CHEK2: variants seen among roughly 807,000 people sequenced by gnomAD.
CHEK2 encodes serine/threonine-protein kinase Chk2.
Under a neutral mutation model 69.1 loss-of-function variants are expected in CHEK2, and 71 were observed. The ratio of observed to expected loss-of-function variants is 1.03; its 90% CI spans 0.85 to 1.25. The LOEUF is 1.25. Among genes scored for constraint, CHEK2 ranks in the 50% most tolerant of loss-of-function variants. CHEK2 has a pLI of 0.00. For missense variants in CHEK2, 664 were observed against 649.6 expected (o/e 1.02, Z -0.24); for synonymous variants, 189 against 226.9 (o/e 0.83, Z 1.50).
intron 13 of CHEK2, among the ~76,000 whole-genome samples, chr22:28,692,020 A>C (rs1209791802): frequency 3.9e-5 from 6 of 152,238 alleles, no homozygotes; most frequent in Admixed American, 3.9e-4. Context: ...CTGCAAAAAC[A>C]AAAGGTGGCT....
At chr22:28,689,824 G>A (rs948151524) in intron 13 of CHEK2, among the ~76,000 whole-genome samples, 2 of 152,172 alleles carry the variant, frequency 1.3e-5, no homozygotes, top group Non-Finnish European at 2.9e-5. Flanking sequence ...GCAGGAGCAG[G>A]AGATGAGGAG....
chr22:28,723,685 TG>T (rs1441683069), intron 4 of CHEK2, among the ~76,000 whole-genome samples: 1 of 150,642 alleles, frequency 6.6e-6, no homozygotes, highest in Non-Finnish European at 1.5e-5. Context: ...GGCTCCCACC[TG>T]TAATCCCAGC....
intron 2 of CHEK2, among the ~76,000 whole-genome samples, chr22:28,727,103 G>A (rs904298375): frequency 2.5e-4 from 38 of 151,928 alleles, no homozygotes; most frequent in Non-Finnish European, 2.1e-4. Context: ...GTGCGGTGGC[G>A]CGATCTCGGC....
At chr22:28,700,701 C>T (rs75006212) in intron 8 of CHEK2, among the ~76,000 whole-genome samples, 1,560 of 152,232 alleles carry the variant, frequency 0.01, 23 homozygotes, top group African/African-American at 0.036. Context: ...GGGGATGATA[C>T]CATCTACCTT....
At chr22:28,689,517 TG>T (rs1304695734) in intron 13 of CHEK2, 4 of 382,850 alleles carry the variant, frequency 1.0e-5, no homozygotes, top group East Asian at 1.2e-4. Flanking sequence ...TCCAAGATCC[TG>T]AGAAAGGTGG....
At chr22:28,729,898 AAGAGTCAGAG>A (rs1446727923) in intron 2 of CHEK2, among the ~76,000 whole-genome samples, 2 of 152,040 alleles carry the variant, frequency 1.3e-5, no homozygotes, top group Non-Finnish European at 2.9e-5. Context: ...TATAGGGTGA[AAGAGTCAGAG>A]CAACCAGCCA....
At chr22:28,734,236 C>T (rs1367696667) in intron 2 of CHEK2, among the ~76,000 whole-genome samples, 167 bp downstream of exon 2, 2 of 152,218 alleles carry the variant, frequency 1.3e-5, no homozygotes, top group African/African-American at 4.8e-5. Context: ...TTGCCTTCCA[C>T]TTCAATAAAT....
intron 5 of CHEK2, among the ~76,000 whole-genome samples, chr22:28,716,259 T>C (rs1460300732): frequency 6.6e-6 from 1 of 150,408 alleles, no homozygotes; most frequent in Non-Finnish European, 1.5e-5. Flanking sequence ...TGCAGTGGCG[T>C]GATCTCAGCT....
At chr22:28,696,312 G>A (rs1569114901) in intron 10 of CHEK2, among the ~76,000 whole-genome samples, 1 of 152,140 alleles carries the variant, frequency 6.6e-6, no homozygotes, top group Non-Finnish European at 1.5e-5. Context: ...ATCCTAACAA[G>A]AGATTCTAAA....
At chr22:28,699,719 A>G in intron 9 of CHEK2, 119 bp downstream of exon 9, 1 of 818,644 alleles carries the variant, frequency 1.2e-6, no homozygotes, top group Non-Finnish European at 2.1e-6. Flanking sequence ...AGAAGAGAAC[A>G]GCAAACACAC....
chr22:28,703,330 T>G (rs1470507054), intron 8 of CHEK2, among the ~76,000 whole-genome samples, 175 bp downstream of exon 8: 3 of 152,126 alleles, frequency 2.0e-5, no homozygotes, highest in African/African-American at 7.2e-5. Context: ...TTGGAAACAT[T>G]GGAGGGTTTT....
intron 1 of CHEK2, among the ~76,000 whole-genome samples, chr22:28,736,719 C>A (rs1403150614): frequency 6.6e-6 from 1 of 152,030 alleles, no homozygotes; most frequent in Non-Finnish European, 1.5e-5. Context: ...GCAAGAGGAC[C>A]ACTTGAGGCC....
intron 2 of CHEK2, among the ~76,000 whole-genome samples, chr22:28,733,402 C>T (rs1394345766): frequency 1.3e-5 from 2 of 152,112 alleles, no homozygotes; most frequent in Non-Finnish European, 2.9e-5. Flanking sequence ...TTTGGATGGA[C>T]AGCACATTGT....
At chr22:28,729,920 A>G (rs893436460) in intron 2 of CHEK2, among the ~76,000 whole-genome samples, 2 of 151,982 alleles carry the variant, frequency 1.3e-5, no homozygotes, top group African/African-American at 4.8e-5. Context: ...AACCAGCCAG[A>G]AAGCATTTTT....
At chr22:28,728,560 G>T (rs1311575239) in intron 2 of CHEK2, among the ~76,000 whole-genome samples, 1 of 152,094 alleles carries the variant, frequency 6.6e-6, no homozygotes, top group Admixed American at 6.6e-5. Flanking sequence ...AATTTAGCCA[G>T]GTGTGGTGGC....
chr22:28,735,898 T>A (rs1046025724), intron 1 of CHEK2, among the ~76,000 whole-genome samples: 1 of 150,258 alleles, frequency 6.7e-6, no homozygotes, highest in African/African-American at 2.5e-5. Context: ...AATTAATTAA[T>A]TAAATAAATA....
At chr22:28,711,847 TTA>T in intron 6 of CHEK2, 60 bp downstream of exon 6, 2 of 1,102,494 alleles carry the variant, frequency 1.8e-6, no homozygotes. Context: ...CAATCTAAGA[TTA>T]TTTTGGGAAG....
chr22:28,718,022 A>C (rs2145994335), intron 5 of CHEK2, among the ~76,000 whole-genome samples: 1 of 152,340 alleles, frequency 6.6e-6, no homozygotes, highest in Non-Finnish European at 1.5e-5. Flanking sequence ...CGGAGGTTGC[A>C]GTGGGCCAAG....
intron 7 of CHEK2, among the ~76,000 whole-genome samples, chr22:28,704,796 T>C (rs2053044232): frequency 6.6e-6 from 1 of 152,188 alleles, no homozygotes; most frequent in Non-Finnish European, 1.5e-5. Context: ...TTTTTGGTTT[T>C]AGATTCAAAA....
Sources: gnomAD v4.1 joint callset for allele counts (sites outside exome capture counted in the v4.1 genomes callset) on GRCh38, gnomAD v4.1.1 for gene constraint, MANE v1.5 for transcripts, NCBI Gene and HGNC (gene_info 2026-07-23, HGNC 2026-07-21) for gene names.